PLCB1: variants seen among roughly 807,000 people sequenced by gnomAD.
PLCB1 encodes phospholipase C beta 1.
Under a neutral mutation model 161.8 loss-of-function variants are expected in PLCB1, and 46 were observed. The observed-to-expected ratio is 0.28, with a 90% CI of 0.22 to 0.36. PLCB1 has a LOEUF of 0.36. Among genes scored for constraint, PLCB1 ranks in the 10% least tolerant of loss-of-function variants. The pLI is 1.00. For missense variants in PLCB1, 1,016 were observed against 1,472.5 expected, an observed-to-expected ratio of 0.69 and a Z score of 5.07; for synonymous variants, 517 against 503.7, an observed-to-expected ratio of 1.03 and a Z score of -0.35.
intron 3 of PLCB1, among the ~76,000 whole-genome samples, chr20:8,575,724 G>A (rs1056999399): frequency 2.6e-5 from 4 of 152,328 alleles, no homozygotes; most frequent in African/African-American, 4.8e-5. Context: ...CAACTTCAGC[G>A]TGAAATCATC....
intron 3 of PLCB1, among the ~76,000 whole-genome samples, chr20:8,611,325 T>C (rs1165162938): frequency 6.6e-6 from 1 of 152,120 alleles, no homozygotes; most frequent in Non-Finnish European, 1.5e-5. Flanking sequence ...GGAAATACTT[T>C]GGTTTTGATA....
At chr20:8,286,863 A>G (rs1016164695) in intron 2 of PLCB1, among the ~76,000 whole-genome samples, 15 of 152,048 alleles carry the variant, frequency 9.9e-5, no homozygotes, top group Non-Finnish European at 2.1e-4. Flanking sequence ...TTCTCCTTGT[A>G]AGTAAGTATC....
intron 3 of PLCB1, among the ~76,000 whole-genome samples, chr20:8,413,005 G>A (rs936028416): frequency 2.0e-5 from 3 of 149,574 alleles, no homozygotes; most frequent in South Asian, 2.1e-4. Flanking sequence ...TTTACCCAGC[G>A]AATTGGTTTA....
rs144417461 is a variant in PLCB1, at chr20:8,294,491, CAT to C, written c.178-76888_178-76887del. Among the ~76,000 whole-genome samples the C allele has an allele frequency of 5.8e-3, 888 of 151,910 alleles. 12 individuals are homozygous for C. The highest frequency in any genetic ancestry group is 0.019 in the African/African-American group (797 of 41,454). ...ATGCATATATATACACATACTTACA[CAT>C]ATGTGTGCATGTATATATTTATACA... On this transcript the variant is annotated intron_variant, in intron 2 of 31. Transcript: ENST00000338037.
chr20:8,629,829 C>CTTTCTT (rs1988484140), intron 4 of PLCB1, among the ~76,000 whole-genome samples: 1 of 65,706 alleles, frequency 1.5e-5, no homozygotes, highest in Non-Finnish European at 3.0e-5. Context: ...TTCTTTCTTT[C>CTTTCTT]TTTCTTTCTT....
chr20:8,667,287 C>A (rs944320764), intron 9 of PLCB1, among the ~76,000 whole-genome samples: 1 of 152,126 alleles, frequency 6.6e-6, no homozygotes, highest in African/African-American at 2.4e-5. Flanking sequence ...ACTCTCTAAC[C>A]TCTGCGGAAG....
rs138851178 is a variant in PLCB1 at position 8,722,413 on chromosome 20, A to G, written c.1573A>G (p.Met525Val). Residue 525 changes from methionine (M) to valine (V), a missense_variant, in exon 15 of 32, where the codon ATG (methionine) becomes GTG (valine). Met to Val is a conservative substitution (Grantham distance 21, BLOSUM62 1). Coordinates refer to ENST00000338037, the MANE Select transcript of PLCB1 (RefSeq NM_015192.4). ...DDDDDCKKSS[M>V]DEGTAGSEAM... The stretch of plus-strand genomic sequence containing the variant: ...TGATGATGACTGTAAAAAATCTTCA[A>G]TGGATGAGGTGGGTACTTAGGGCTT... The G allele has an allele frequency of 8.0e-5, 129 of 1,610,102 alleles. No individual in the cohort carries two copies. The highest frequency in any genetic ancestry group is 5.0e-4 in the African/African-American group (37 of 74,720).
At chr20:8,311,586 G>A (rs879843430) in intron 2 of PLCB1, among the ~76,000 whole-genome samples, 1 of 152,280 alleles carries the variant, frequency 6.6e-6, no homozygotes, top group East Asian at 1.9e-4. Context: ...GTTTCTCAGG[G>A]TGAGCTTAGG....
At position 8,492,836 on chromosome 20, in the gene PLCB1, TTA is replaced by T. The variant is rs574801810; in HGVS notation, c.246+121398_246+121399del. Among the ~76,000 whole-genome samples, 273 of 129,196 alleles carry T rather than the reference TTA, an allele frequency of 2.1e-3. 2 individuals are homozygous for T. The highest frequency in any genetic ancestry group is 0.011 in the Middle Eastern group (3 of 276). The allele number at this position is 129,196 out of a possible 152,430, so 84.8% of individuals were successfully genotyped here. On this transcript the variant is annotated intron_variant, in intron 3 of 31. Coordinates refer to ENST00000338037, the MANE Select transcript of PLCB1 (RefSeq NM_015192.4). ...CTCAATTTCTACAAAGCAAACTTTA[TTA>T]TATATATATATGTGTGTGTGTGTGT...
At chr20:8,218,943 G>A (rs1292673626) in intron 2 of PLCB1, among the ~76,000 whole-genome samples, 1 of 152,100 alleles carries the variant, frequency 6.6e-6, no homozygotes, top group African/African-American at 2.4e-5. Flanking sequence ...TGAATTAGAA[G>A]TTTCAGAGTT....
chr20:8,155,097 C>T (rs2051545950), intron 2 of PLCB1, among the ~76,000 whole-genome samples: 1 of 152,168 alleles, frequency 6.6e-6, no homozygotes. Flanking sequence ...ATTTCACTAC[C>T]TGGTTTGGAT....
intron 3 of PLCB1, among the ~76,000 whole-genome samples, chr20:8,514,404 C>T (rs1266090250): frequency 6.8e-6 from 1 of 146,138 alleles, no homozygotes; most frequent in African/African-American, 2.5e-5. Context: ...TAGGCCACTA[C>T]ACTCCAGCCT....
chr20:8,813,289 C>T (rs1369270648), intron 31 of PLCB1, among the ~76,000 whole-genome samples: 1 of 152,240 alleles, frequency 6.6e-6, no homozygotes, highest in Non-Finnish European at 1.5e-5. Context: ...TTAGGCAAAG[C>T]CTTTAAACTC....
chr20:8,545,211 G>A (rs976142846), intron 3 of PLCB1, among the ~76,000 whole-genome samples: 1 of 152,222 alleles, frequency 6.6e-6, no homozygotes, highest in African/African-American at 2.4e-5. Flanking sequence ...AATAGATTAA[G>A]TCATGTCATA....
At chr20:8,436,254 T>C (rs1289493607) in intron 3 of PLCB1, among the ~76,000 whole-genome samples, 19 of 151,246 alleles carry the variant, frequency 1.3e-4, no homozygotes, top group Admixed American at 1.3e-3. Flanking sequence ...AGAATCACTT[T>C]AACCTGGAAG....
chr20:8,770,181 T>G (rs1007313324), intron 26 of PLCB1, among the ~76,000 whole-genome samples: 8 of 152,134 alleles, frequency 5.3e-5, no homozygotes, highest in Non-Finnish European at 1.2e-4. Flanking sequence ...CTCGATCTCC[T>G]GACCTCGTGA....
intron 3 of PLCB1, among the ~76,000 whole-genome samples, chr20:8,587,425 A>G (rs1987023992): frequency 6.6e-6 from 1 of 152,150 alleles, no homozygotes; most frequent in African/African-American, 2.4e-5. Context: ...ATAATGACCC[A>G]AGCTAGGGGG....
chr20:8,274,386 T>G (rs1982428128), intron 2 of PLCB1, among the ~76,000 whole-genome samples: 1 of 152,178 alleles, frequency 6.6e-6, no homozygotes, highest in Non-Finnish European at 1.5e-5. Flanking sequence ...AATTTTTGTT[T>G]TAATATTGAT....
Position 8,733,264 on chromosome 20 carries a change from A to T in PLCB1, c.1915A>T (p.Met639Leu). 1 of 1,613,976 alleles carries T rather than the reference A, an allele frequency of 6.2e-7. No homozygotes were observed. Among genetic ancestry groups the T allele is most frequent in the Non-Finnish European group, 8.5e-7 (1 of 1,179,918 alleles). The stretch of plus-strand genomic sequence containing the variant: ...CCTGGCTATGCAAATAAATATGGGG[A>T]TGTATGAATACAACGGGAAGAGTGG... ...MDLAMQINMG[M>L]YEYNGKSGYR... is the part of the protein sequence containing the mutation. The change falls in exon 19 of 32, where the codon ATG (methionine) becomes TTG (leucine). Residue 639 changes from methionine to leucine, a missense_variant. Physicochemically the swap from Met to Leu is conservative, Grantham distance 15. Transcript: ENST00000338037.
Sources: allele counts gnomAD v4.1 joint callset (sites outside exome capture counted in the v4.1 genomes callset), GRCh38; gene constraint gnomAD v4.1.1; transcripts MANE v1.5; gene names NCBI Gene and HGNC (gene_info 2026-07-23, HGNC 2026-07-21).